Variants in EBF4 observed in about 807,000 individuals in gnomAD.
The protein encoded by EBF4 is transcription factor COE4.
EBF4 carries 34 observed loss-of-function variants against 67.1 expected under a neutral mutation model. The observed-to-expected ratio is 0.51, with a 90% confidence interval of 0.39 to 0.67. EBF4 has a LOEUF of 0.67. Ranked by LOEUF, EBF4 falls within the 30% of genes least tolerant of loss-of-function variation. The pLI is 0.00. For synonymous variants in EBF4, 387 were observed against 377.7 expected, an observed-to-expected ratio of 1.02 and a Z score of -0.29; for missense variants, 837 against 873.3, an observed-to-expected ratio of 0.96 and a Z score of 0.52.
Position 2,707,551 on chromosome 20 carries a change from C to T in EBF4, c.415-396C>T, listed in dbSNP as rs2087476283. 6.6e-6 allele frequency among the ~76,000 whole-genome samples: 1 copy of T among 151,762 alleles called. No homozygotes were observed. Among genetic ancestry groups the T allele is most frequent in the South Asian group, 2.1e-4 (1 of 4,800 alleles). On this transcript the variant is annotated intron_variant, in intron 4 of 16. Coordinates refer to ENST00000609451, the Ensembl canonical transcript of EBF4. This position sits in a 1 kb window ranked among gnomAD's most constrained non-coding sequence, Gnocchi z 4.6. ...CTCATCAACAGAAGCAGAGGTCCGT[C>T]AGGACATGGAGGATGCACACAGGAG...
chr20:2,698,000 C>T (rs2087320767), intron 1 of EBF4, among the ~76,000 whole-genome samples: 1 of 152,194 alleles, frequency 6.6e-6, no homozygotes, highest in African/African-American at 2.4e-5. Flanking sequence ...CTTTTGTTTG[C>T]TTTAATAATT....
intron 6 of EBF4, among the ~76,000 whole-genome samples, chr20:2,712,124 C>A (rs2087552484): frequency 6.6e-6 from 1 of 152,160 alleles, no homozygotes; most frequent in African/African-American, 2.4e-5. Flanking sequence ...GGAGGCCACA[C>A]TTGTGGGTCA....
intron 6 of EBF4, among the ~76,000 whole-genome samples, chr20:2,733,974 A>G (rs965621226): frequency 3.3e-5 from 5 of 152,186 alleles, no homozygotes; most frequent in African/African-American, 1.2e-4. Flanking sequence ...TTTCTACTTC[A>G]GAATTTCATG....
At chr20:2,733,229 C>T (rs1404203211) in intron 6 of EBF4, among the ~76,000 whole-genome samples, 1 of 152,216 alleles carries the variant, frequency 6.6e-6, no homozygotes, top group African/African-American at 2.4e-5. Flanking sequence ...TATCATCTCA[C>T]TGCCTTCTGT....
At chr20:2,724,244 T>C (rs1167868918) in intron 6 of EBF4, among the ~76,000 whole-genome samples, 2 of 152,236 alleles carry the variant, frequency 1.3e-5, no homozygotes, top group Non-Finnish European at 2.9e-5. Context: ...AATTTGGAAA[T>C]GGTTGTTAAA....
At chr20:2,750,076 G>GCT (rs1339661439) in intron 10 of EBF4, 103 bp downstream of exon 10, 1 of 1,434,076 alleles carries the variant, frequency 7.0e-7, no homozygotes, top group African/African-American at 1.4e-5. Flanking sequence ...CGAGCTCTAC[G>GCT]CTGTGGCCAC....
At position 2,759,262 on chromosome 20, in the gene EBF4, C is replaced by A; in HGVS notation, c.*6-6C>A. 2.0e-6 allele frequency: 1 copy of A among 502,440 alleles called. No homozygotes were observed. Among genetic ancestry groups the A allele is most frequent in the Non-Finnish European group, 3.6e-6 (1 of 276,808 alleles). 31.1% of individuals were successfully genotyped at this position (502,440 alleles called of 1,614,324 possible). A position where few individuals can be genotyped will look rare whatever the true frequency, so the allele number is the denominator to read the frequency against. ...ACCTTCTTCTCTCCCTCTCTCGCCC[C>A]ACCAGGTCTGCAGCTGTTCCCATGG... On this transcript the variant is annotated splice_region_variant and splice_polypyrimidine_tract_variant and intron_variant, in intron 16 of 16. Transcript: ENST00000609451.
At chr20:2,735,825 C>T (rs2087869844) in intron 6 of EBF4, among the ~76,000 whole-genome samples, 1 of 152,028 alleles carries the variant, frequency 6.6e-6, no homozygotes, top group South Asian at 2.1e-4. Context: ...ATGTAAACAA[C>T]AATTTATAAT....
rs1049055117 is a variant in EBF4, at chr20:2,696,297, C to A, written c.137+2515C>A. The stretch of plus-strand genomic sequence containing the variant: ...GACCAGCCTAGCCAACATGGTGAAA[C>A]CCTGTCTCTACTAATAATACAAAAA... On this transcript the variant is annotated intron_variant, in intron 1 of 16. Transcript: ENST00000609451. The surrounding 1 kb of genome is among the most constrained non-coding windows in gnomAD (Gnocchi z 4.7). Among the ~76,000 whole-genome samples the A allele has an allele frequency of 1.3e-5, 2 of 152,090 alleles. No individual in the cohort carries two copies. Among genetic ancestry groups the A allele is most frequent in the African/African-American group, 4.8e-5 (2 of 41,398 alleles).
chr20:2,705,444 A>C, intron 1 of EBF4, 133 bp from the exon 2 acceptor site: 4 of 1,237,172 alleles, frequency 3.2e-6, no homozygotes, highest in Non-Finnish European at 4.6e-6. Flanking sequence ...GGGCCTGTCT[A>C]GTTGGATTTT....
At chr20:2,737,199 G>A (rs191454232) in intron 6 of EBF4, among the ~76,000 whole-genome samples, 3 of 148,644 alleles carry the variant, frequency 2.0e-5, no homozygotes, top group South Asian at 2.1e-4. Context: ...GCAGTGAGCC[G>A]AGATCGCGCC....
In EBF4 at chr20:2,751,378, CTATA is replaced by C. The variant is rs1280712814; in HGVS notation, c.1019-321_1019-318del. Among the ~76,000 whole-genome samples, 3 of 152,230 alleles carry C rather than the reference CTATA, an allele frequency of 2.0e-5. No individual in the cohort carries two copies. Among genetic ancestry groups the C allele is most frequent in the African/African-American group, 7.2e-5 (3 of 41,454 alleles). Reference sequence around the variant, plus strand: ...TCTCCATCGAGTCCTGCCCTTAGGACTATAACTCATATGTGTATACGGTTTCCCT... The same window carrying C: ...TCTCCATCGAGTCCTGCCCTTAGGACACTCATATGTGTATACGGTTTCCCT... On this transcript the variant is annotated intron_variant, in intron 10 of 16. Transcript: ENST00000609451. This position sits in a 1 kb window ranked among gnomAD's most constrained non-coding sequence, Gnocchi z 5.2.
At chr20:2,712,700 C>T (rs926545321) in intron 6 of EBF4, among the ~76,000 whole-genome samples, 1 of 152,006 alleles carries the variant, frequency 6.6e-6, no homozygotes, top group Non-Finnish European at 1.5e-5. Context: ...CAGAAGAGGC[C>T]TAAGAACTGA....
chr20:2,755,705 C>G lies in EBF4; in HGVS notation c.1619C>G (p.Ser540Cys). 1.3e-6 allele frequency: 2 copies of G among 1,550,368 alleles called. No individual in the cohort carries two copies. The highest frequency in any genetic ancestry group is 2.4e-5 in the East Asian group (1 of 40,850). Residue 540 changes from serine (S) to cysteine (C), a missense_variant, in exon 15 of 17, where the codon TCC becomes TGC. Around this residue, in one of 3 missense-constraint regions of EBF4, gnomAD observed 525 missense variants for 496.5 expected, o/e 1.06. Transcript: ENST00000609451. This position sits in a 1 kb window ranked among gnomAD's most constrained non-coding sequence, Gnocchi z 4.7. ...GCTGCCCCCACCACCAGCGTGTTCT[C>G]CTTCTCGCCTGTCAACATGATCTCC... is the stretch of plus-strand genomic sequence containing the variant.
At chr20:2,725,323 C>T (rs2087734062) in intron 6 of EBF4, among the ~76,000 whole-genome samples, 1 of 152,072 alleles carries the variant, frequency 6.6e-6, no homozygotes, top group Admixed American at 6.5e-5. Context: ...ATTTCTTTAG[C>T]TGTATCTAAT....
At chr20:2,716,529 CA>C (rs60033313) in intron 6 of EBF4, among the ~76,000 whole-genome samples, 13,768 of 107,650 alleles carry the variant, frequency 0.13, 1,451 homozygotes, top group African/African-American at 0.31. Context: ...AACTCCGTCT[CA>C]AAAAAAAAAA....
chr20:2,693,786 A>AGCGCTCGGACCGGACCCGGT lies in EBF4; in HGVS notation c.137+13_137+32dup. The AGCGCTCGGACCGGACCCGGT allele has an allele frequency of 7.6e-7, 1 of 1,313,282 alleles. No homozygotes were observed. The highest frequency in any genetic ancestry group is 2.0e-5 in the South Asian group (1 of 50,070). The allele number at this position is 1,313,282 out of a possible 1,614,324, so 81.4% of individuals were successfully genotyped here. A position where few individuals can be genotyped will look rare whatever the true frequency, so the allele number is the denominator to read the frequency against. On this transcript the variant is annotated splice_donor_region_variant and intron_variant, in intron 1 of 16. Transcript: ENST00000609451. The surrounding 1 kb of genome is among the most constrained non-coding windows in gnomAD (Gnocchi z 4.6). ...ACGCCAGCACCGCGGCGCAGAGGTA[A>AGCGCTCGGACCGGACCCGGT]GCGCTCGGACCGGACCCGGTGCGCT...
chr20:2,716,622 A>G lies in EBF4; in HGVS notation c.557+6980A>G, dbSNP rs181336690. ...AAGGTTTCACAGTTTTCCCTTTCACATTTGTCATCCCTATGGAACTAATTA... is the reference window on the plus strand; with the variant it reads ...AAGGTTTCACAGTTTTCCCTTTCACGTTTGTCATCCCTATGGAACTAATTA... On this transcript the variant is annotated intron_variant, in intron 6 of 16. Transcript: ENST00000609451. Among the ~76,000 whole-genome samples the G allele has an allele frequency of 2.6e-4, 39 of 152,106 alleles. 1 individual carries two copies. Among genetic ancestry groups the G allele is most frequent in the African/African-American group, 9.4e-4 (39 of 41,474 alleles).
intron 6 of EBF4, among the ~76,000 whole-genome samples, chr20:2,748,195 G>A (rs567057774): frequency 8.5e-5 from 13 of 152,274 alleles, no homozygotes; most frequent in Admixed American, 5.9e-4. Flanking sequence ...TATACAGTGC[G>A]TTGGGTATAA....
Sources: gnomAD v4.1 joint callset for allele counts (sites outside exome capture counted in the v4.1 genomes callset) on GRCh38, gnomAD v4.1.1 for gene constraint, gnomAD v4.1.1 regional missense constraint, Gnocchi (gnomAD v3.1) non-coding constraint, MANE v1.5 for transcripts, NCBI Gene and HGNC (gene_info 2026-07-23, HGNC 2026-07-21) for gene names.